The following WWOX variants were observed in gnomAD, a reference collection of about 807,000 sequenced individuals.
WWOX encodes WW domain containing oxidoreductase.
WWOX carries 69 observed loss-of-function variants against 46.2 expected under a neutral mutation model. The observed-to-expected ratio is 1.49, with a 90% confidence interval of 1.23 to 1.82. The LOEUF (loss-of-function observed/expected upper bound fraction) is 1.82. Ranked by LOEUF, WWOX falls within the 40% of genes most tolerant of loss-of-function variation. The probability of loss-of-function intolerance (pLI) is 0.00; values close to 1 mark genes in which losing one functional copy is unlikely to be tolerated. For missense variants in WWOX, 919 were observed against 542.6 expected, an observed-to-expected ratio of 1.69 and a Z score of -6.89; for synonymous variants, 359 against 202.6, an observed-to-expected ratio of 1.77 and a Z score of -6.56.
chr16:78,823,832 A>G (rs760153096), intron 8 of WWOX, among the ~76,000 whole-genome samples: 2 of 151,698 alleles, frequency 1.3e-5, no homozygotes, highest in Non-Finnish European at 2.9e-5. Context: ...CTAGAGTACA[A>G]TGGTATGATC....
At chr16:78,657,978 T>C (rs1472121752) in intron 8 of WWOX, among the ~76,000 whole-genome samples, 5 of 152,144 alleles carry the variant, frequency 3.3e-5, no homozygotes, top group Non-Finnish European at 7.3e-5. Context: ...CCAAGTGACT[T>C]TGATTTTTCA....
intron 5 of WWOX, among the ~76,000 whole-genome samples, chr16:78,336,911 T>A (rs1309018289): frequency 2.6e-5 from 4 of 152,124 alleles, no homozygotes; most frequent in Non-Finnish European, 5.9e-5. Flanking sequence ...CCTGAGTAGC[T>A]GGGATTACAG....
chr16:79,130,667 C>A (rs935602417), intron 8 of WWOX, among the ~76,000 whole-genome samples: 3 of 152,178 alleles, frequency 2.0e-5, no homozygotes, highest in African/African-American at 7.2e-5. Flanking sequence ...TAACCCAGGG[C>A]AACAAGAAAC....
intron 4 of WWOX, among the ~76,000 whole-genome samples, chr16:78,118,773 G>A (rs1199596869): frequency 1.3e-5 from 2 of 152,166 alleles, no homozygotes; most frequent in Non-Finnish European, 2.9e-5. Context: ...ATTAGCCACA[G>A]CTTAGATGAA....
intron 8 of WWOX, among the ~76,000 whole-genome samples, chr16:78,487,063 C>T (rs1229899821): frequency 1.3e-5 from 2 of 152,164 alleles, no homozygotes; most frequent in Non-Finnish European, 2.9e-5. Context: ...CCAGATGATT[C>T]TGTTGTAGTG....
chr16:79,056,891 T>C (rs2048273128), intron 8 of WWOX, among the ~76,000 whole-genome samples: 1 of 152,240 alleles, frequency 6.6e-6, no homozygotes. Flanking sequence ...GGCTGGGCAC[T>C]TCAAACCTAC....
At chr16:78,486,790 T>C (rs1041401863) in intron 8 of WWOX, among the ~76,000 whole-genome samples, 6 of 152,164 alleles carry the variant, frequency 3.9e-5, no homozygotes, top group Non-Finnish European at 5.9e-5. Context: ...GCCAGGCTGG[T>C]CTTGAACTCC....
chr16:78,469,049 T>A (rs762847724), intron 8 of WWOX, among the ~76,000 whole-genome samples: 15 of 152,210 alleles, frequency 9.9e-5, no homozygotes, highest in Non-Finnish European at 1.9e-4. Flanking sequence ...TTGATTTTGT[T>A]GTAACACCTG....
intron 8 of WWOX, among the ~76,000 whole-genome samples, chr16:78,725,884 C>T (rs1405021925): frequency 6.6e-6 from 1 of 152,050 alleles, no homozygotes; most frequent in East Asian, 1.9e-4. Context: ...ATGTCATTCA[C>T]ATTGGGTCTC....
chr16:79,021,910 A>C (rs2047541466), intron 8 of WWOX, among the ~76,000 whole-genome samples: 2 of 152,242 alleles, frequency 1.3e-5, no homozygotes, highest in Non-Finnish European at 2.9e-5. Flanking sequence ...GCTGGGACCA[A>C]CACCAGCAAC....
intron 4 of WWOX, among the ~76,000 whole-genome samples, chr16:78,133,657 A>G (rs2151699461): frequency 6.6e-6 from 1 of 152,286 alleles, no homozygotes; most frequent in Middle Eastern, 3.4e-3. Flanking sequence ...CGGCCTCCCA[A>G]AGTAGTGGAA....
chr16:78,568,870 C>A (rs117991947), intron 8 of WWOX, among the ~76,000 whole-genome samples: 2,730 of 152,312 alleles, frequency 0.018, 47 homozygotes, highest in Admixed American at 0.042. Flanking sequence ...CTGTCTTACA[C>A]GTTTTACGGG....
intron 7 of WWOX, among the ~76,000 whole-genome samples, chr16:78,432,240 C>G (rs2083238064): frequency 2.0e-5 from 3 of 151,620 alleles, no homozygotes; most frequent in Non-Finnish European, 2.9e-5. Flanking sequence ...GCTTCAGATT[C>G]CCGTGTACAG....
chr16:78,128,973 T>C (rs2033476495), intron 4 of WWOX, among the ~76,000 whole-genome samples: 1 of 152,180 alleles, frequency 6.6e-6, no homozygotes, highest in South Asian at 2.1e-4. Context: ...TAAGTTCACG[T>C]ACAGTTACTA....
At chr16:78,327,665 G>A (rs936453591) in intron 5 of WWOX, among the ~76,000 whole-genome samples, 1 of 152,008 alleles carries the variant, frequency 6.6e-6, no homozygotes, top group Non-Finnish European at 1.5e-5. Flanking sequence ...TTTTTTTAAA[G>A]AGTGATCTTT....
At chr16:78,260,787 A>G (rs2079213022) in intron 5 of WWOX, among the ~76,000 whole-genome samples, 1 of 149,112 alleles carries the variant, frequency 6.7e-6, no homozygotes, top group Non-Finnish European at 1.5e-5. Flanking sequence ...AAACATACAA[A>G]AATTAGCTGG....
chr16:78,870,636 CTG>C (rs1024541680), intron 8 of WWOX, among the ~76,000 whole-genome samples: 2 of 152,160 alleles, frequency 1.3e-5, no homozygotes, highest in African/African-American at 4.8e-5. Flanking sequence ...GAATCTCACT[CTG>C]TTGCCCAGGC....
At chr16:78,131,951 AC>A (rs896267229) in intron 4 of WWOX, among the ~76,000 whole-genome samples, 5 of 150,150 alleles carry the variant, frequency 3.3e-5, no homozygotes, top group African/African-American at 1.2e-4. Flanking sequence ...GTTAAAAAGA[AC>A]TTTTGCTATT....
intron 8 of WWOX, among the ~76,000 whole-genome samples, chr16:78,777,057 G>A (rs74651495): frequency 0.032 from 4,894 of 152,270 alleles, 263 homozygotes; most frequent in African/African-American, 0.11. Flanking sequence ...TAGGATAAAT[G>A]TGATGAAAAT....
Sources: gnomAD v4.1 joint callset for allele counts (sites outside exome capture counted in the v4.1 genomes callset) on GRCh38, gnomAD v4.1.1 for gene constraint, MANE v1.5 for transcripts, NCBI Gene and HGNC (gene_info 2026-07-23, HGNC 2026-07-21) for gene names.